Variants in FHIT observed in about 807,000 individuals in gnomAD.
The protein encoded by FHIT is bis(5'-adenosyl)-triphosphatase.
In FHIT, 19 loss-of-function variants were observed where a neutral mutation model predicts 17.9. The ratio of observed to expected loss-of-function variants is 1.06; its 90% CI spans 0.74 to 1.56. FHIT has a LOEUF of 1.56. Ranked by LOEUF, FHIT falls within the 40% of genes most tolerant of loss-of-function variation. The probability of loss-of-function intolerance (pLI) is 0.00; values close to 1 mark genes in which losing one functional copy is unlikely to be tolerated. For synonymous variants in FHIT, 81 were observed against 69.7 expected (o/e 1.16, Z -0.81); for missense variants, 248 against 189.2 (o/e 1.31, Z -1.82).
chr3:59,923,321 G>A (rs901889776), intron 7 of FHIT, among the ~76,000 whole-genome samples: 2 of 151,570 alleles, frequency 1.3e-5, no homozygotes, highest in Non-Finnish European at 2.9e-5. Flanking sequence ...GTGAGGACAG[G>A]GCGCCACAGG....
chr3:59,880,268 G>A (rs535476536), intron 8 of FHIT, among the ~76,000 whole-genome samples: 1 of 152,236 alleles, frequency 6.6e-6, no homozygotes, highest in Non-Finnish European at 1.5e-5. Flanking sequence ...CCTTGTGCCT[G>A]CTCTTCTCTC....
At chr3:60,003,083 T>C (rs2107504531) in intron 7 of FHIT, among the ~76,000 whole-genome samples, 1 of 152,300 alleles carries the variant, frequency 6.6e-6, no homozygotes, top group Non-Finnish European at 1.5e-5. Flanking sequence ...ATGGGGCCCT[T>C]GGTTTTTCTT....
chr3:60,521,321 C>T (rs920669310), intron 5 of FHIT, among the ~76,000 whole-genome samples: 1 of 152,058 alleles, frequency 6.6e-6, no homozygotes, highest in African/African-American at 2.4e-5. Flanking sequence ...GATCTCGGCT[C>T]ACTGCAAGCT....
At chr3:59,971,346 T>C (rs752947570) in intron 7 of FHIT, among the ~76,000 whole-genome samples, 8 of 152,100 alleles carry the variant, frequency 5.3e-5, no homozygotes, top group Non-Finnish European at 1.0e-4. Flanking sequence ...CCACTATTAT[T>C]ATCTTTGTGT....
At chr3:60,862,813 T>C (rs933333067) in intron 3 of FHIT, among the ~76,000 whole-genome samples, 1 of 150,682 alleles carries the variant, frequency 6.6e-6, no homozygotes, top group African/African-American at 2.5e-5. Context: ...GACTGCACCA[T>C]TGCACTCCAG....
intron 5 of FHIT, among the ~76,000 whole-genome samples, chr3:60,041,247 G>A (rs888850637): frequency 2.6e-5 from 4 of 152,156 alleles, no homozygotes; most frequent in Non-Finnish European, 5.9e-5. Flanking sequence ...CACTTGCACA[G>A]GGGGCATTTT....
intron 5 of FHIT, among the ~76,000 whole-genome samples, chr3:60,094,836 G>C (rs955817054): frequency 6.7e-6 from 1 of 150,350 alleles, no homozygotes; most frequent in Non-Finnish European, 1.5e-5. Flanking sequence ...AGAGAGAGAA[G>C]GAGAGAGGGA....
At chr3:60,763,172 G>A (rs1278062324) in intron 4 of FHIT, among the ~76,000 whole-genome samples, 3 of 152,098 alleles carry the variant, frequency 2.0e-5, no homozygotes, top group Non-Finnish European at 2.9e-5. Context: ...GCTTACACAC[G>A]AGACAGAATG....
intron 5 of FHIT, among the ~76,000 whole-genome samples, chr3:60,332,412 T>G (rs1710026561): frequency 6.6e-6 from 1 of 152,066 alleles, no homozygotes; most frequent in South Asian, 2.1e-4. Flanking sequence ...TGGAGGAAAA[T>G]TCGAGCAGAC....
intron 5 of FHIT, among the ~76,000 whole-genome samples, chr3:60,045,896 G>A (rs1178809999): frequency 1.3e-5 from 2 of 152,186 alleles, no homozygotes; most frequent in East Asian, 3.9e-4. Context: ...GAGATCACCA[G>A]CAGGAGTCTG....
chr3:60,906,624 T>C (rs556345996), intron 3 of FHIT, among the ~76,000 whole-genome samples: 11 of 152,244 alleles, frequency 7.2e-5, no homozygotes, highest in African/African-American at 2.6e-4. Flanking sequence ...CAAAGACTGA[T>C]GGAGATATGT....
chr3:60,122,461 AAACATG>A (rs1705303563), intron 5 of FHIT, among the ~76,000 whole-genome samples: 1 of 152,180 alleles, frequency 6.6e-6, no homozygotes, highest in Non-Finnish European at 1.5e-5. Flanking sequence ...ATCCATGAGG[AAACATG>A]AACGTCTTGG....
intron 4 of FHIT, among the ~76,000 whole-genome samples, chr3:60,743,185 G>A (rs1239650326): frequency 2.0e-5 from 3 of 152,208 alleles, no homozygotes; most frequent in Non-Finnish European, 4.4e-5. Context: ...TAGGCTCTGA[G>A]CTGCTTTCTC....
At chr3:60,874,302 A>G (rs1291451569) in intron 3 of FHIT, among the ~76,000 whole-genome samples, 1 of 152,168 alleles carries the variant, frequency 6.6e-6, no homozygotes, top group Admixed American at 6.5e-5. Context: ...ACACTCCTCA[A>G]AGAAAACAGT....
At chr3:61,101,916 C>T (rs1019961486) in intron 2 of FHIT, among the ~76,000 whole-genome samples, 3 of 152,192 alleles carry the variant, frequency 2.0e-5, no homozygotes, top group African/African-American at 7.2e-5. Context: ...TATCCTGAGA[C>T]TTTGCTGAAG....
chr3:59,825,924 T>C (rs151118108), intron 8 of FHIT, among the ~76,000 whole-genome samples: 4 of 152,334 alleles, frequency 2.6e-5, no homozygotes, highest in Admixed American at 2.6e-4. Flanking sequence ...CATCCATCTA[T>C]GCATTTATCC....
At chr3:59,753,047 T>G (rs1701007041) in intron 8 of FHIT, among the ~76,000 whole-genome samples, 1 of 152,148 alleles carries the variant, frequency 6.6e-6, no homozygotes, top group Non-Finnish European at 1.5e-5. Context: ...TTATTTTACT[T>G]CCTGGATTTT....
chr3:59,902,014 C>T (rs1575667441), intron 8 of FHIT, among the ~76,000 whole-genome samples: 1 of 152,208 alleles, frequency 6.6e-6, no homozygotes, highest in East Asian at 1.9e-4. Flanking sequence ...AGACAATTTA[C>T]AAAATGGGAG....
chr3:59,817,859 T>C (rs1700656762), intron 8 of FHIT, among the ~76,000 whole-genome samples: 1 of 152,052 alleles, frequency 6.6e-6, no homozygotes, highest in Non-Finnish European at 1.5e-5. Context: ...CTTTCAGAGA[T>C]CCACTAGCTG....
Sources: gnomAD v4.1 joint callset for allele counts (sites outside exome capture counted in the v4.1 genomes callset) on GRCh38, gnomAD v4.1.1 for gene constraint, MANE v1.5 for transcripts, NCBI Gene and HGNC (gene_info 2026-07-23, HGNC 2026-07-21) for gene names.